PTPRN2: variants seen among roughly 807,000 people sequenced by gnomAD.
PTPRN2 encodes the protein receptor-type tyrosine-protein phosphatase N2.
A neutral mutation model predicts 118.8 loss-of-function variants in PTPRN2; 74 were observed. The ratio of observed to expected loss-of-function variants is 0.62; its 90% CI spans 0.52 to 0.76. The LOEUF is 0.76. PTPRN2 is among the 30% of genes least tolerant of loss of function. PTPRN2 has a pLI of 0.00. For synonymous variants in PTPRN2, 641 were observed against 608.0 expected (o/e 1.05, Z -0.80); for missense variants, 1,481 against 1,394.4 (o/e 1.06, Z -0.99).
chr7:157,829,466 C>T (rs76974675), intron 12 of PTPRN2, among the ~76,000 whole-genome samples: 2,565 of 152,314 alleles, frequency 0.017, 67 homozygotes, highest in South Asian at 0.049. Flanking sequence ...GCAGGCCATA[C>T]GTGGGGTTAG....
At chr7:157,997,757 C>T (rs1228524330) in intron 11 of PTPRN2, among the ~76,000 whole-genome samples, 2 of 149,754 alleles carry the variant, frequency 1.3e-5, no homozygotes, top group Non-Finnish European at 3.0e-5. Flanking sequence ...GTGGAGCCCC[C>T]AGACCAGCCC....
At chr7:157,655,060 C>CCTG in intron 14 of PTPRN2, among the ~76,000 whole-genome samples, 1 of 152,384 alleles carries the variant, frequency 6.6e-6, no homozygotes, top group South Asian at 2.1e-4. Flanking sequence ...GACAGGTCTG[C>CCTG]CGAGTGAACT....
At chr7:158,342,156 C>T (rs536301771) in intron 2 of PTPRN2, among the ~76,000 whole-genome samples, 3 of 149,478 alleles carry the variant, frequency 2.0e-5, no homozygotes, top group Non-Finnish European at 4.4e-5. Flanking sequence ...AGGTCACTCA[C>T]ACCCACACTC....
chr7:158,067,870 C>T (rs544798792), intron 11 of PTPRN2, among the ~76,000 whole-genome samples: 5 of 151,920 alleles, frequency 3.3e-5, no homozygotes, highest in Non-Finnish European at 7.4e-5. Context: ...TGGGTCACGC[C>T]GGGCCATGGG....
intron 9 of PTPRN2, among the ~76,000 whole-genome samples, chr7:158,124,153 T>A (rs1057452844): frequency 6.6e-6 from 1 of 152,210 alleles, no homozygotes; most frequent in African/African-American, 2.4e-5. Flanking sequence ...CATTCCATCA[T>A]CAAATGGAAG....
chr7:158,327,272 T>C (rs572232795), intron 2 of PTPRN2, among the ~76,000 whole-genome samples: 36 of 148,796 alleles, frequency 2.4e-4, no homozygotes, highest in African/African-American at 8.0e-4. Flanking sequence ...TGCACACACG[T>C]GCTCACACAT....
At chr7:157,659,016 C>T (rs1169766036) in intron 13 of PTPRN2, among the ~76,000 whole-genome samples, 8 of 151,642 alleles carry the variant, frequency 5.3e-5, no homozygotes, top group South Asian at 2.1e-4. Context: ...CCCGGGGTGC[C>T]GGCTTCCTTG....
chr7:157,776,533 TCTCCTTCTCC>T (rs1803286315), intron 12 of PTPRN2, among the ~76,000 whole-genome samples: 2 of 2,590 alleles, frequency 7.7e-4, no homozygotes, highest in Non-Finnish European at 7.3e-4. Context: ...CTCTCCTCTC[TCTCCTTCTCC>T]CTCTCCTCCT....
At chr7:158,216,549 A>G (rs897398579) in intron 3 of PTPRN2, among the ~76,000 whole-genome samples, 9 of 152,148 alleles carry the variant, frequency 5.9e-5, no homozygotes, top group African/African-American at 2.2e-4. Context: ...TAATCAAAGG[A>G]TGGAAGCAAT....
intron 13 of PTPRN2, among the ~76,000 whole-genome samples, chr7:157,668,427 AGT>A (rs1310380242): frequency 6.6e-6 from 1 of 152,242 alleles, no homozygotes; most frequent in Non-Finnish European, 1.5e-5. Flanking sequence ...GTGTTGCCCG[AGT>A]GTGCGCACAG....
chr7:157,899,724 G>A (rs904474552), intron 11 of PTPRN2, among the ~76,000 whole-genome samples: 2 of 152,158 alleles, frequency 1.3e-5, no homozygotes, highest in African/African-American at 2.4e-5. Context: ...CCCTGCTGTT[G>A]GGGCCTCTCC....
intron 12 of PTPRN2, among the ~76,000 whole-genome samples, chr7:157,793,838 C>G (rs1027930102): frequency 1.1e-4 from 16 of 152,172 alleles, no homozygotes; most frequent in African/African-American, 3.6e-4. Flanking sequence ...ATCTCCTGAC[C>G]TCCAGGCAGA....
chr7:158,206,562 G>A (rs1010873039), intron 3 of PTPRN2, among the ~76,000 whole-genome samples: 17 of 152,170 alleles, frequency 1.1e-4, no homozygotes, highest in South Asian at 2.1e-4. Context: ...CAGGAAGCTC[G>A]GGGAGGGGGG....
chr7:157,867,972 C>G (rs1326646959), intron 12 of PTPRN2, among the ~76,000 whole-genome samples: 1 of 152,198 alleles, frequency 6.6e-6, no homozygotes, highest in Non-Finnish European at 1.5e-5. Flanking sequence ...CCAGCCCAAG[C>G]TGCCCAGACT....
At chr7:158,449,873 C>T (rs1005343405) in intron 2 of PTPRN2, among the ~76,000 whole-genome samples, 2 of 152,210 alleles carry the variant, frequency 1.3e-5, no homozygotes, top group Admixed American at 6.5e-5. Flanking sequence ...CAAAGTTAAG[C>T]AAAGGCAAAG....
chr7:158,412,070 C>T (rs1563261063), intron 2 of PTPRN2, among the ~76,000 whole-genome samples: 2 of 137,668 alleles, frequency 1.5e-5, no homozygotes, highest in East Asian at 4.6e-4. Context: ...CAGGGCCCAT[C>T]CAGCACCCTC....
rs919960114 is a variant in PTPRN2, at chr7:157,585,921, G to A, written c.2497-7781C>T. Among the ~76,000 whole-genome samples the A allele has an allele frequency of 6.6e-6, 1 of 152,214 alleles. No homozygotes were observed. Among genetic ancestry groups the A allele is most frequent in the Admixed American group, 6.5e-5 (1 of 15,286 alleles). On this transcript the variant is annotated intron_variant, in intron 17 of 22. Coordinates refer to ENST00000389418, the MANE Select transcript of PTPRN2 (RefSeq NM_002847.5). This position sits in a 1 kb window ranked among gnomAD's most constrained non-coding sequence, Gnocchi z 5.2. ...TTTAAATTCCGCATGTGTGCGGCGAGAGACTGACCGACCATCTTTGCACTG... is the reference window on the plus strand; with the variant it reads ...TTTAAATTCCGCATGTGTGCGGCGAAAGACTGACCGACCATCTTTGCACTG...
intron 11 of PTPRN2, among the ~76,000 whole-genome samples, chr7:158,071,011 A>T (rs1811374538): frequency 1.4e-5 from 1 of 70,070 alleles, no homozygotes; most frequent in Non-Finnish European, 2.6e-5. Context: ...ATGGTGGTGG[A>T]GGTGCTCGTG....
At chr7:158,298,803 C>A (rs1800673564) in intron 3 of PTPRN2, among the ~76,000 whole-genome samples, 2 of 152,206 alleles carry the variant, frequency 1.3e-5, no homozygotes, top group African/African-American at 4.8e-5. Context: ...CTGCTGAGCC[C>A]CTGGGTCCAA....
Sources: allele counts gnomAD v4.1 joint callset (sites outside exome capture counted in the v4.1 genomes callset), GRCh38; gene constraint gnomAD v4.1.1; non-coding constraint Gnocchi (gnomAD v3.1); transcripts MANE v1.5; gene names NCBI Gene and HGNC (gene_info 2026-07-23, HGNC 2026-07-21).